C4orf36: variants seen among roughly 807,000 people sequenced by gnomAD.
C4orf36 encodes the protein uncharacterized protein C4orf36.
C4orf36 carries 11 observed loss-of-function variants against 12.2 expected under a neutral mutation model. That is an observed-to-expected ratio of 0.90 (90% CI 0.57 to 1.49). The LOEUF (loss-of-function observed/expected upper bound fraction) is 1.49, where lower values mean the gene tolerates loss of function less well. Ranked by LOEUF, C4orf36 falls within the 40% of genes most tolerant of loss-of-function variation. C4orf36 has a pLI of 0.00. For missense variants in C4orf36, 137 were observed against 133.9 expected, an observed-to-expected ratio of 1.02 and a Z score of -0.11; for synonymous variants, 54 against 51.3, an observed-to-expected ratio of 1.05 and a Z score of -0.22.
chr4:86,889,646 A>G (rs907862043), intron 2 of C4orf36, among the ~76,000 whole-genome samples: 1 of 152,060 alleles, frequency 6.6e-6, no homozygotes, highest in Admixed American at 6.6e-5. Context: ...GCTCATGCCT[A>G]TAATCACAGC....
the C4orf36 span, among the ~76,000 whole-genome samples, chr4:86,912,066 A>AGG: frequency 8.5e-3 from 1,296 of 151,996 alleles, 21 homozygotes; most frequent in African/African-American, 0.03. Flanking sequence ...GTAGAGACGA[A>AGG]GTTTCTCCAT....
At chr4:86,929,909 G>A in the C4orf36 span, among the ~76,000 whole-genome samples, 1 of 152,194 alleles carries the variant, frequency 6.6e-6, no homozygotes, top group African/African-American at 2.4e-5. Flanking sequence ...CAAATAACAG[G>A]AATTGGGTAG....
the C4orf36 span, among the ~76,000 whole-genome samples, chr4:86,931,219 C>T: frequency 1.3e-5 from 2 of 152,102 alleles, no homozygotes; most frequent in African/African-American, 4.8e-5. Context: ...TAATCTTTGC[C>T]TTGAAGTCCC....
At chr4:86,907,144 C>T in the C4orf36 span, among the ~76,000 whole-genome samples, 3 of 152,144 alleles carry the variant, frequency 2.0e-5, no homozygotes, top group Non-Finnish European at 4.4e-5. Context: ...AGACATTTCT[C>T]CAAGAGTGGC....
intron 4 of C4orf36, among the ~76,000 whole-genome samples, chr4:86,880,702 C>T (rs1369289852): frequency 1.3e-5 from 2 of 152,132 alleles, no homozygotes; most frequent in Non-Finnish European, 2.9e-5. Context: ...AACATAAAAC[C>T]ATAGAAAAAT....
the C4orf36 span, among the ~76,000 whole-genome samples, chr4:86,908,300 A>G: frequency 1.1e-3 from 172 of 152,094 alleles, no homozygotes; most frequent in Non-Finnish European, 1.8e-3. Context: ...TGGGTTTGAT[A>G]AAGGGAGGGA....
At chr4:86,919,722 A>G in the C4orf36 span, among the ~76,000 whole-genome samples, 4 of 152,104 alleles carry the variant, frequency 2.6e-5, no homozygotes, top group African/African-American at 7.2e-5. Context: ...ACAGATCCTA[A>G]AAATATTTTT....
At chr4:86,917,767 A>G in the C4orf36 span, among the ~76,000 whole-genome samples, 3 of 152,222 alleles carry the variant, frequency 2.0e-5, no homozygotes, top group Non-Finnish European at 4.4e-5. Context: ...ACAAACCTAG[A>G]TGGTATAGCC....
the C4orf36 span, among the ~76,000 whole-genome samples, chr4:86,915,243 C>G: frequency 1.3e-5 from 2 of 152,178 alleles, no homozygotes; most frequent in Non-Finnish European, 1.5e-5. Context: ...ACTCCCCACA[C>G]CAGGTTGCTC....
chr4:86,921,266 C>A, the C4orf36 span, among the ~76,000 whole-genome samples: 117 of 151,412 alleles, frequency 7.7e-4, no homozygotes, highest in Non-Finnish European at 1.1e-3. Context: ...GTCACACACA[C>A]AAAAAAATAG....
chr4:86,919,032 G>C, the C4orf36 span, among the ~76,000 whole-genome samples: 1 of 151,998 alleles, frequency 6.6e-6, no homozygotes, highest in African/African-American at 2.4e-5. Flanking sequence ...GAACCTGGGG[G>C]CATTGGTGTA....
the C4orf36 span, among the ~76,000 whole-genome samples, chr4:86,919,436 C>T: frequency 6.7e-6 from 1 of 149,836 alleles, no homozygotes; most frequent in African/African-American, 2.5e-5. Flanking sequence ...GATTCTCCTG[C>T]CTCAGCCTCC....
At chr4:86,877,015 C>G (rs79707724) in intron 4 of C4orf36, among the ~76,000 whole-genome samples, 1 of 152,210 alleles carries the variant, frequency 6.6e-6, no homozygotes, top group African/African-American at 2.4e-5. Flanking sequence ...GAAGTATTAT[C>G]CCTGAGACTA....
intron 2 of C4orf36, among the ~76,000 whole-genome samples, chr4:86,888,882 T>C (rs1056307529): frequency 2.6e-5 from 4 of 152,148 alleles, no homozygotes; most frequent in African/African-American, 9.7e-5. Context: ...GAAGTGACCA[T>C]ATTACACCAG....
chr4:86,917,598 AGGAG>A, the C4orf36 span, among the ~76,000 whole-genome samples: 2 of 147,510 alleles, frequency 1.4e-5, no homozygotes, highest in South Asian at 2.3e-4. Flanking sequence ...AAGGGAAAGA[AGGAG>A]GGAGGAAGGG....
At chr4:86,898,803 T>G in the C4orf36 span, among the ~76,000 whole-genome samples, 4 of 152,100 alleles carry the variant, frequency 2.6e-5, no homozygotes, top group African/African-American at 9.7e-5. Context: ...CTGGGCAACA[T>G]AGCAAGTCCC....
chr4:86,918,416 C>T, the C4orf36 span, among the ~76,000 whole-genome samples: 1 of 152,210 alleles, frequency 6.6e-6, no homozygotes, highest in Non-Finnish European at 1.5e-5. Context: ...AGAGTGGCTC[C>T]TTTCACTACT....
chr4:86,891,198 G>A (rs1174763940), intron 2 of C4orf36, among the ~76,000 whole-genome samples: 2 of 149,812 alleles, frequency 1.3e-5, no homozygotes, highest in South Asian at 4.2e-4. Context: ...ACAGGACTGT[G>A]ACTTTGATCA....
At chr4:86,908,991 A>T in the C4orf36 span, among the ~76,000 whole-genome samples, 3 of 152,142 alleles carry the variant, frequency 2.0e-5, no homozygotes, top group Non-Finnish European at 4.4e-5. Flanking sequence ...CAGCAAGGAC[A>T]TATGGAACTC....
Sources: allele counts gnomAD v4.1 joint callset (sites outside exome capture counted in the v4.1 genomes callset), GRCh38; gene constraint gnomAD v4.1.1; transcripts MANE v1.5; gene names NCBI Gene and HGNC (gene_info 2026-07-23, HGNC 2026-07-21).